FGD5: variants seen among roughly 807,000 people sequenced by gnomAD.
FGD5 encodes the protein FYVE, RhoGEF and PH domain containing 5.
Under a neutral mutation model 133.4 loss-of-function variants are expected in FGD5, and 28 were observed. The observed-to-expected ratio is 0.21, with a 90% CI of 0.16 to 0.29. The LOEUF (loss-of-function observed/expected upper bound fraction) is 0.29, where lower values mean the gene tolerates loss of function less well. Among genes scored for constraint, FGD5 ranks in the 10% least tolerant of loss-of-function variants. The pLI, the probability that FGD5 is intolerant of heterozygous loss-of-function variation, is 1.00. For missense variants in FGD5, 1,858 were observed against 1,895.2 expected (o/e 0.98, Z 0.36); for synonymous variants, 810 against 776.5 (o/e 1.04, Z -0.72).
At position 14,898,078 on chromosome 3, in the gene FGD5, G is replaced by C. The variant is rs756040416; in HGVS notation, c.3049G>C (p.Ala1017Pro). 6.2e-7 allele frequency: 1 copy of C among 1,614,046 alleles called. No individual in the cohort carries two copies. The highest frequency in any genetic ancestry group is 1.1e-5 in the South Asian group (1 of 91,080). Residue 1017 changes from alanine to proline, a missense_variant, in exon 6 of 20, where the codon GCT (alanine) becomes CCT (proline). Around this residue, in one of 3 missense-constraint regions of FGD5, gnomAD observed 1,824 missense variants for 1,848.9 expected, o/e 0.99. Coordinates refer to ENST00000285046, the MANE Select transcript of FGD5 (RefSeq NM_152536.4). ...CCTCCACTCTCCCCGGCTGGCAGCT[G>C]CTGTCCGTGAATTTGAGGTGGGTCC... ...NCLHSPRLAA[A>P]VREFEQSVQG...
intron 1 of FGD5, among the ~76,000 whole-genome samples, chr3:14,859,914 A>G (rs1463787662): frequency 6.6e-6 from 1 of 152,240 alleles, no homozygotes; most frequent in Non-Finnish European, 1.5e-5. Context: ...AACTTAGAAA[A>G]TCAACAACTG....
At chr3:14,908,409 T>G (rs2038379291) in intron 10 of FGD5, among the ~76,000 whole-genome samples, 1 of 152,184 alleles carries the variant, frequency 6.6e-6, no homozygotes. Context: ...CTGTTCTGAA[T>G]GGACTCCTCG....
chr3:14,900,229 A>G (rs2038211726), intron 7 of FGD5, among the ~76,000 whole-genome samples, 174 bp from the exon 8 acceptor site: 1 of 152,158 alleles, frequency 6.6e-6, no homozygotes, highest in Non-Finnish European at 1.5e-5. Flanking sequence ...CAATGCTGAC[A>G]GTGGTCCTGG....
intron 18 of FGD5, among the ~76,000 whole-genome samples, chr3:14,928,651 A>G (rs1282073913): frequency 6.6e-6 from 1 of 152,150 alleles, no homozygotes; most frequent in Non-Finnish European, 1.5e-5. Context: ...AGGCCGAGGC[A>G]GGAGAATCGT....
Position 14,852,726 on chromosome 3 carries a change from T to G in FGD5, c.2526-11402T>G, listed in dbSNP as rs193038900. On this transcript the variant is annotated intron_variant, in intron 1 of 19. Transcript: ENST00000285046. ...TTTTTACTTAGTGAGAAATGGAAAT[T>G]GAATTTTTTTAAAAGTCTCTCCTTC... 1.9e-3 allele frequency among the ~76,000 whole-genome samples: 286 copies of G among 152,252 alleles called. 2 individuals are homozygous for G. The highest frequency in any genetic ancestry group is 6.6e-3 in the African/African-American group (274 of 41,540).
At chr3:14,912,363 CCTCA>C (rs1243016036) in intron 11 of FGD5, among the ~76,000 whole-genome samples, 1 of 152,186 alleles carries the variant, frequency 6.6e-6, no homozygotes, top group African/African-American at 2.4e-5. Context: ...CATGAGAACC[CCTCA>C]CTCTGGCTGG....
chr3:14,895,558 T>C (rs2038119935), intron 4 of FGD5, among the ~76,000 whole-genome samples: 1 of 152,042 alleles, frequency 6.6e-6, no homozygotes, highest in African/African-American at 2.4e-5. Context: ...ACAAGATCTG[T>C]TTTTTGTTTT....
chr3:14,820,332 G>T lies in FGD5; in HGVS notation c.1261G>T (p.Ala421Ser), dbSNP rs371826302. 1 of 1,611,472 alleles carries T rather than the reference G, an allele frequency of 6.2e-7. No individual in the cohort carries two copies. The highest frequency in any genetic ancestry group is 8.5e-7 in the Non-Finnish European group (1 of 1,178,578). Residue 421 changes from alanine to serine, a missense_variant, in exon 1 of 20, where the codon GCC becomes TCC. This residue lies in a region of FGD5 where 1,824 missense variants were observed against 1,848.9 expected (regional missense o/e 0.99). Coordinates refer to ENST00000285046, the MANE Select transcript of FGD5 (RefSeq NM_152536.4). ...PDVVVVLEEE[A>S]LDDALANPYV... The stretch of plus-strand genomic sequence containing the variant: ...TGTGGTGGTCGTGCTGGAGGAGGAG[G>T]CCTTGGATGATGCACTGGCCAACCC...
intron 4 of FGD5, among the ~76,000 whole-genome samples, chr3:14,891,337 A>G (rs1204732156): frequency 6.6e-6 from 1 of 152,086 alleles, no homozygotes; most frequent in East Asian, 1.9e-4. Flanking sequence ...CTGCTGCCCT[A>G]CTCACAACCC....
intron 1 of FGD5, among the ~76,000 whole-genome samples, chr3:14,829,877 T>G (rs916566889): frequency 6.6e-6 from 1 of 152,186 alleles, no homozygotes; most frequent in South Asian, 2.1e-4. Flanking sequence ...CTGAAGTGAT[T>G]CTCTAAGAGA....
chr3:14,897,795 A>G, intron 5 of FGD5, 126 bp downstream of exon 5: 1 of 1,451,664 alleles, frequency 6.9e-7, no homozygotes, highest in Non-Finnish European at 9.2e-7. Flanking sequence ...CCGAAGTGTT[A>G]AGTCATTTGC....
intron 13 of FGD5, chr3:14,921,533 C>T: frequency 4.4e-6 from 1 of 225,474 alleles, no homozygotes; most frequent in South Asian, 7.4e-5. Flanking sequence ...CCTCATCCTC[C>T]ACAGGTACCC....
chr3:14,853,066 AG>A (rs34508387), intron 1 of FGD5, among the ~76,000 whole-genome samples: 39,250 of 151,958 alleles, frequency 0.26, 5,303 homozygotes, highest in East Asian at 0.39. Context: ...TGAGGAATCC[AG>A]GACCCCCAGT....
chr3:14,817,594 T>C (rs1245117691), upstream of FGD5, among the ~76,000 whole-genome samples: 1 of 152,158 alleles, frequency 6.6e-6, no homozygotes, highest in African/African-American at 2.4e-5. Flanking sequence ...GATTAGAGAT[T>C]AGTAATGTTA....
At chr3:14,916,875 G>A (rs915497392) in intron 11 of FGD5, among the ~76,000 whole-genome samples, 1 of 152,210 alleles carries the variant, frequency 6.6e-6, no homozygotes, top group Non-Finnish European at 1.5e-5. Flanking sequence ...GTGGTGGTGT[G>A]TATTGGTGGC....
chr3:14,920,425 G>A (rs79623718), intron 13 of FGD5: 16,280 of 152,054 alleles, frequency 0.11, 1,103 homozygotes, highest in East Asian at 0.18. Context: ...GGGAGGCTGA[G>A]GCTGAAGGAT....
At chr3:14,844,209 AAAAAAAAAATATATATATATATATATAT>A (rs1441532913) in intron 1 of FGD5, among the ~76,000 whole-genome samples, 8 of 26,906 alleles carry the variant, frequency 3.0e-4, no homozygotes, top group Non-Finnish European at 4.7e-4. Flanking sequence ...GGCATTAAAA[AAAAAAAAAATATATATATATATATATAT>A]ATATATATAT....
chr3:14,813,967 A>G (rs772436228), upstream of FGD5, among the ~76,000 whole-genome samples: 5 of 152,120 alleles, frequency 3.3e-5, no homozygotes, highest in Non-Finnish European at 5.9e-5. Flanking sequence ...GCTGTTAAAA[A>G]TCTCTTCCTC....
chr3:14,874,343 ACCT>A (rs1333963941), intron 2 of FGD5, among the ~76,000 whole-genome samples: 1 of 151,834 alleles, frequency 6.6e-6, no homozygotes, highest in African/African-American at 2.4e-5. Context: ...ACATAATGAG[ACCT>A]CGTCTCTACA....
Sources: gnomAD v4.1 joint callset for allele counts (sites outside exome capture counted in the v4.1 genomes callset) on GRCh38, gnomAD v4.1.1 for gene constraint, gnomAD v4.1.1 regional missense constraint, MANE v1.5 for transcripts, NCBI Gene and HGNC (gene_info 2026-07-23, HGNC 2026-07-21) for gene names.